Variants in CTNNA2 observed in about 807,000 individuals in gnomAD.
The protein encoded by CTNNA2 is catenin alpha-2.
CTNNA2 carries 42 observed loss-of-function variants against 101.0 expected under a neutral mutation model. That is an observed-to-expected ratio of 0.42 (90% CI 0.32 to 0.54). The LOEUF (loss-of-function observed/expected upper bound fraction) is 0.54. Ranked by LOEUF, CTNNA2 falls within the 20% of genes least tolerant of loss-of-function variation. The pLI is 0.14. For missense variants in CTNNA2, 871 were observed against 1,223.1 expected, an observed-to-expected ratio of 0.71 and a Z score of 4.29; for synonymous variants, 450 against 456.4, an observed-to-expected ratio of 0.99 and a Z score of 0.18.
At chr2:79,527,636 T>C (rs1485652988) in intron 1 of CTNNA2, among the ~76,000 whole-genome samples, 1 of 151,536 alleles carries the variant, frequency 6.6e-6, no homozygotes, top group Non-Finnish European at 1.5e-5. Flanking sequence ...AAAAAAAAAT[T>C]TAATAAACGT....
rs75401366 is a variant in CTNNA2 at position 80,069,240 on chromosome 2, C to T, written c.1056+159443C>T. Among the ~76,000 whole-genome samples the T allele has an allele frequency of 3.3e-3, 500 of 152,252 alleles. 4 individuals carry two copies. In the East Asian group the frequency reaches 0.04, roughly 12 times the overall value. On this transcript the variant is annotated intron_variant, in intron 7 of 18. Coordinates refer to ENST00000402739, the MANE Select transcript of CTNNA2 (RefSeq NM_001282597.3). ...GAAGCTGCCCTAATGCTTGTGCACACTGGTAAAGGTAGTTCTTCTTTACTC... is the reference window on the plus strand; with the variant it reads ...GAAGCTGCCCTAATGCTTGTGCACATTGGTAAAGGTAGTTCTTCTTTACTC...
intron 7 of CTNNA2, among the ~76,000 whole-genome samples, chr2:80,136,004 C>G (rs2148901701): frequency 6.6e-6 from 1 of 152,218 alleles, no homozygotes; most frequent in Non-Finnish European, 1.5e-5. Flanking sequence ...TCTGGAATCC[C>G]AAATATTTCC....
intron 7 of CTNNA2, among the ~76,000 whole-genome samples, chr2:80,322,463 G>A (rs947747670): frequency 2.0e-5 from 3 of 152,112 alleles, no homozygotes; most frequent in Non-Finnish European, 4.4e-5. Context: ...TCGGGCCCAC[G>A]TAGACTTAAT....
intron 7 of CTNNA2, among the ~76,000 whole-genome samples, chr2:80,105,175 A>C (rs1395326893): frequency 6.6e-6 from 1 of 152,210 alleles, no homozygotes; most frequent in Admixed American, 6.5e-5. Context: ...AAAATACACC[A>C]ACAGAATGAT....
At chr2:80,556,419 A>C (rs1404727331) in intron 12 of CTNNA2, among the ~76,000 whole-genome samples, 1 of 152,196 alleles carries the variant, frequency 6.6e-6, no homozygotes, top group Non-Finnish European at 1.5e-5. Context: ...GCTCAAAGAA[A>C]GGTGGTGGCT....
chr2:80,613,817 C>T (rs1400777448), intron 17 of CTNNA2, among the ~76,000 whole-genome samples: 1 of 151,442 alleles, frequency 6.6e-6, no homozygotes, highest in East Asian at 1.9e-4. Flanking sequence ...CATGGATTGA[C>T]CTTAATTCGA....
At chr2:79,258,677 A>G (rs911602269) in intron 2 of CTNNA2, among the ~76,000 whole-genome samples, 1 of 152,122 alleles carries the variant, frequency 6.6e-6, no homozygotes, top group Admixed American at 6.6e-5. Flanking sequence ...ACCAGGAAGA[A>G]GTGGCAGACT....
chr2:80,301,386 CT>C, intron 7 of CTNNA2, among the ~76,000 whole-genome samples: 1 of 152,158 alleles, frequency 6.6e-6, no homozygotes, highest in East Asian at 1.9e-4. Flanking sequence ...GCTACTAAGT[CT>C]GGTGAATCAA....
chr2:80,364,814 T>C (rs1372039726), intron 7 of CTNNA2, among the ~76,000 whole-genome samples: 1 of 152,146 alleles, frequency 6.6e-6, no homozygotes, highest in Admixed American at 6.5e-5. Context: ...AGATTTTTAG[T>C]CTATCAGCTT....
chr2:79,641,093 A>G (rs1680418995), intron 1 of CTNNA2, among the ~76,000 whole-genome samples: 1 of 152,232 alleles, frequency 6.6e-6, no homozygotes, highest in African/African-American at 2.4e-5. Context: ...CTTTTGTTAA[A>G]GAAATAAGAT....
intron 2 of CTNNA2, among the ~76,000 whole-genome samples, chr2:79,254,587 A>G (rs1674817630): frequency 6.6e-6 from 1 of 152,178 alleles, no homozygotes; most frequent in Admixed American, 6.5e-5. Flanking sequence ...TATAGCCTGC[A>G]GAACTGTGAG....
At chr2:80,104,193 G>C (rs1022366625) in intron 7 of CTNNA2, among the ~76,000 whole-genome samples, 2 of 152,138 alleles carry the variant, frequency 1.3e-5, no homozygotes, top group Admixed American at 1.3e-4. Context: ...CATGTACTTA[G>C]CTCCGCTCAA....
chr2:79,554,623 A>G (rs1433827728), intron 1 of CTNNA2, among the ~76,000 whole-genome samples: 1 of 152,156 alleles, frequency 6.6e-6, no homozygotes, highest in African/African-American at 2.4e-5. Context: ...TAGATTTTCA[A>G]GGTTCCTACA....
At chr2:80,398,778 G>A (rs899987278) in intron 8 of CTNNA2, among the ~76,000 whole-genome samples, 2 of 151,258 alleles carry the variant, frequency 1.3e-5, no homozygotes, top group African/African-American at 2.4e-5. Context: ...GAGGCAGGAG[G>A]ATTGCTTGAG....
intron 7 of CTNNA2, among the ~76,000 whole-genome samples, chr2:80,098,422 G>C (rs112521027): frequency 6.6e-6 from 1 of 152,172 alleles, no homozygotes; most frequent in Non-Finnish European, 1.5e-5. Flanking sequence ...CCCCACGGGG[G>C]GGTTGCCTCC....
chr2:79,718,223 G>C (rs1686237070), intron 2 of CTNNA2, among the ~76,000 whole-genome samples: 1 of 152,170 alleles, frequency 6.6e-6, no homozygotes, highest in Admixed American at 6.5e-5. Flanking sequence ...AAGTTAACAA[G>C]TACGTTTATG....
chr2:80,372,668 CA>C (rs1313365689), intron 7 of CTNNA2, among the ~76,000 whole-genome samples: 2 of 149,992 alleles, frequency 1.3e-5, no homozygotes, highest in African/African-American at 5.0e-5. Flanking sequence ...CATATCTCTT[CA>C]TTGGGAAAAC....
At chr2:79,450,651 AAACTTC>A (rs1290621171) in intron 4 of CTNNA2, among the ~76,000 whole-genome samples, 2 of 152,084 alleles carry the variant, frequency 1.3e-5, no homozygotes, top group South Asian at 2.1e-4. Context: ...GAAAACTTCA[AAACTTC>A]AACTTCAAGG....
At chr2:79,429,212 G>C (rs1345770585) in intron 4 of CTNNA2, among the ~76,000 whole-genome samples, 1 of 151,996 alleles carries the variant, frequency 6.6e-6, no homozygotes, top group African/African-American at 2.4e-5. Flanking sequence ...TATGGGATCT[G>C]TTAAGCAAAA....
Sources: gnomAD v4.1 joint callset for allele counts (sites outside exome capture counted in the v4.1 genomes callset) on GRCh38, gnomAD v4.1.1 for gene constraint, MANE v1.5 for transcripts, NCBI Gene and HGNC (gene_info 2026-07-23, HGNC 2026-07-21) for gene names.